The following DMD variants were observed in gnomAD, a reference collection of about 807,000 sequenced individuals.
The protein encoded by DMD is dystrophin.
Under a neutral mutation model 330.1 loss-of-function variants are expected in DMD, and 63 were observed. That is an observed-to-expected ratio of 0.19 (90% CI 0.16 to 0.24). The LOEUF is 0.24. DMD is among the 10% of genes least tolerant of loss of function. The pLI, the probability that DMD is intolerant of heterozygous loss-of-function variation, is 1.00. For synonymous variants in DMD, 1,223 were observed against 959.8 expected (o/e 1.27, Z -5.07); for missense variants, 3,344 against 2,684.1 (o/e 1.25, Z -5.43).
In DMD at chrX:32,129,866, G is replaced by T. The variant is rs12689485; in HGVS notation, c.6438+87050C>A. Among the ~76,000 whole-genome samples, 174 of 110,441 alleles carry T rather than the reference G, an allele frequency of 1.6e-3. 12 individuals are homozygous for T. The East Asian group carries it at 0.027, about 17-fold the overall frequency. On this transcript the variant is annotated intron_variant, in intron 44 of 78. Coordinates refer to ENST00000357033, the MANE Select transcript of DMD (RefSeq NM_004006.3). Reference sequence around the variant, plus strand: ...AAAGGGCAGACATCAGCAAGTGCCTGCAGTGACAAATAGTTATTAGCTGCA... The same window carrying T: ...AAAGGGCAGACATCAGCAAGTGCCTTCAGTGACAAATAGTTATTAGCTGCA...
intron 61 of DMD, among the ~76,000 whole-genome samples, chrX:31,323,989 A>G (rs2056601649): frequency 9.0e-6 from 1 of 110,807 alleles, no homozygotes; most frequent in Non-Finnish European, 1.9e-5. Flanking sequence ...TTTTTATAAT[A>G]CTTCCTGTTG....
chrX:32,523,695 C>A lies in DMD; in HGVS notation c.2169-5564G>T, dbSNP rs569886404. On this transcript the variant is annotated intron_variant, in intron 17 of 78. Transcript: ENST00000357033. ...TTCATTTTTGAAGGCTCCCATGTCA[C>A]CTAAAACTTTTATTAGATAAATATC... 4.5e-5 allele frequency among the ~76,000 whole-genome samples: 5 copies of A among 111,618 alleles called. No homozygotes were observed. The South Asian group carries it at 1.9e-3, about 42-fold the overall frequency.
intron 7 of DMD, among the ~76,000 whole-genome samples, chrX:32,720,405 T>C (rs981482964): frequency 3.6e-5 from 4 of 111,477 alleles, no homozygotes; most frequent in Admixed American, 9.5e-5. Context: ...TCTTTTACAA[T>C]CGTTTTTTTA....
At chrX:31,353,588 TAAGG>T (rs2058530030) in intron 60 of DMD, among the ~76,000 whole-genome samples, 1 of 111,952 alleles carries the variant, frequency 8.9e-6, no homozygotes, top group African/African-American at 3.2e-5. Flanking sequence ...GGATTTCGAG[TAAGG>T]AAGACTGGGA....
intron 11 of DMD, among the ~76,000 whole-genome samples, chrX:32,632,507 C>T (rs67715196): frequency 0.13 from 14,967 of 112,119 alleles, 869 homozygotes; most frequent in African/African-American, 0.23. Context: ...TGCATTGCCC[C>T]AGGAGAAGTT....
intron 51 of DMD, among the ~76,000 whole-genome samples, chrX:31,756,686 G>C (rs779484200): frequency 8.9e-6 from 1 of 112,447 alleles, no homozygotes; most frequent in African/African-American, 3.2e-5. Flanking sequence ...ACAATGCCTG[G>C]TATATACTAG....
At chrX:31,371,787 T>A (rs1198736041) in intron 60 of DMD, among the ~76,000 whole-genome samples, 1 of 111,945 alleles carries the variant, frequency 8.9e-6, no homozygotes, top group Non-Finnish European at 1.9e-5. Context: ...TGATAATGGA[T>A]GTATTTGAAC....
At chrX:31,690,129 G>T (rs375788433) in intron 52 of DMD, among the ~76,000 whole-genome samples, 14 of 111,752 alleles carry the variant, frequency 1.3e-4, no homozygotes, top group African/African-American at 3.6e-4. Context: ...GGGATCTAAT[G>T]AAACTAAAGA....
In DMD at chrX:31,480,554, TTGTGTGTGTGTGTGTG is replaced by T. The variant is rs60621342; in HGVS notation, c.8548-1467_8548-1452del. On this transcript the variant is annotated intron_variant, in intron 57 of 78. Transcript: ENST00000357033. ...GATATTTCACTTGAAATCTCCATGT[TTGTGTGTGTGTGTGTG>T]TGTGTGTGTGTGTGTGTGTGTGTGT... Among the ~76,000 whole-genome samples, 781 of 91,321 alleles carry T rather than the reference TTGTGTGTGTGTGTGTG, an allele frequency of 8.6e-3. 8 individuals are homozygous for T. The highest frequency in any genetic ancestry group is 0.03 in the African/African-American group (749 of 25,105). 79.3% of individuals were successfully genotyped at this position (91,321 alleles called of 115,157 possible). A position where few individuals can be genotyped will look rare whatever the true frequency, so the allele number is the denominator to read the frequency against.
At chrX:31,623,409 G>A (rs945041395) in intron 55 of DMD, among the ~76,000 whole-genome samples, 2 of 110,826 alleles carry the variant, frequency 1.8e-5, no homozygotes, top group Admixed American at 9.6e-5. Flanking sequence ...GACTACAGGC[G>A]TACTCCACCA....
At chrX:33,086,716 A>G (rs2095011971) in intron 1 of DMD, among the ~76,000 whole-genome samples, 1 of 110,076 alleles carries the variant, frequency 9.1e-6, no homozygotes, top group Admixed American at 9.9e-5. Flanking sequence ...AGTGTATGTT[A>G]AAAAATATTT....
intron 2 of DMD, among the ~76,000 whole-genome samples, chrX:32,967,828 T>G (rs2092224400): frequency 8.9e-6 from 1 of 111,963 alleles, no homozygotes; most frequent in Admixed American, 9.5e-5. Flanking sequence ...TCAACTGAAT[T>G]GGAAGTTGCT....
intron 44 of DMD, among the ~76,000 whole-genome samples, chrX:32,187,493 G>T (rs769289851): frequency 9.0e-6 from 1 of 111,590 alleles, no homozygotes; most frequent in South Asian, 3.7e-4. Context: ...TTTATGAAAA[G>T]ATTAACACAT....
intron 50 of DMD, among the ~76,000 whole-genome samples, chrX:31,818,923 T>C (rs2092694872): frequency 1.8e-5 from 2 of 111,080 alleles, no homozygotes; most frequent in African/African-American, 3.3e-5. Context: ...CTGTGATTCT[T>C]CCAGTTCAGT....
chrX:32,516,181 G>A (rs1412324894), intron 18 of DMD, among the ~76,000 whole-genome samples: 1 of 111,285 alleles, frequency 9.0e-6, no homozygotes, highest in Non-Finnish European at 1.9e-5. Flanking sequence ...GACAGGTGAT[G>A]TAGTAAGAAA....
chrX:31,277,171 C>T (rs1341628970), intron 62 of DMD, among the ~76,000 whole-genome samples: 1 of 111,115 alleles, frequency 9.0e-6, no homozygotes, highest in African/African-American at 3.3e-5. Context: ...ATATACTTAT[C>T]ATTTCTTATG....
chrX:31,437,593 A>G (rs1017636742), intron 60 of DMD, among the ~76,000 whole-genome samples: 1 of 111,229 alleles, frequency 9.0e-6, no homozygotes, highest in African/African-American at 3.3e-5. Context: ...AAAATTTTGC[A>G]GAAACACTGC....
chrX:32,961,694 C>T (rs770571035), intron 2 of DMD, among the ~76,000 whole-genome samples: 1 of 111,167 alleles, frequency 9.0e-6, no homozygotes, highest in East Asian at 2.8e-4. Context: ...TAATCTCAAG[C>T]AGTTATTATG....
intron 44 of DMD, among the ~76,000 whole-genome samples, chrX:32,179,672 T>C (rs2096920559): frequency 1.8e-5 from 2 of 112,138 alleles, no homozygotes; most frequent in Admixed American, 1.9e-4. Context: ...CCAAATCTCA[T>C]CTTGAATTGT....
Sources: allele counts gnomAD v4.1 joint callset (sites outside exome capture counted in the v4.1 genomes callset), GRCh38; gene constraint gnomAD v4.1.1; transcripts MANE v1.5; gene names NCBI Gene and HGNC (gene_info 2026-07-23, HGNC 2026-07-21).